CDH7: variants seen among roughly 807,000 people sequenced by gnomAD.
The protein encoded by CDH7 is cadherin 7.
A neutral mutation model predicts 71.8 loss-of-function variants in CDH7; 25 were observed. That is an observed-to-expected ratio of 0.35 (90% CI 0.25 to 0.49). CDH7 has a LOEUF of 0.49. CDH7 is among the 20% of genes least tolerant of loss of function. CDH7 has a pLI of 0.99. For synonymous variants in CDH7, 381 were observed against 363.8 expected, an observed-to-expected ratio of 1.05 and a Z score of -0.54; for missense variants, 862 against 974.6, an observed-to-expected ratio of 0.88 and a Z score of 1.54.
chr18:65,875,849 A>G (rs1914058237), intron 11 of CDH7, among the ~76,000 whole-genome samples: 1 of 152,080 alleles, frequency 6.6e-6, no homozygotes, highest in Admixed American at 6.6e-5. Flanking sequence ...ATATTGCTTG[A>G]GCTCAAGAGG....
chr18:65,831,486 T>C (rs375814719), intron 6 of CDH7, among the ~76,000 whole-genome samples: 2 of 152,210 alleles, frequency 1.3e-5, no homozygotes, highest in East Asian at 3.8e-4. Context: ...TAGAGTTTAT[T>C]TGGAGTTGTT....
At chr18:65,846,337 T>A (rs1476646330) in intron 7 of CDH7, among the ~76,000 whole-genome samples, 1 of 152,134 alleles carries the variant, frequency 6.6e-6, no homozygotes, top group Non-Finnish European at 1.5e-5. Context: ...CCCACTTTCA[T>A]TTCCTTAAAA....
At chr18:65,806,879 G>A (rs1911346070) in intron 2 of CDH7, among the ~76,000 whole-genome samples, 1 of 152,170 alleles carries the variant, frequency 6.6e-6, no homozygotes, top group Non-Finnish European at 1.5e-5. Flanking sequence ...ATGTCTGAAT[G>A]CCTCAGATAA....
intron 2 of CDH7, among the ~76,000 whole-genome samples, chr18:65,805,758 A>C (rs759457759): frequency 5.3e-5 from 8 of 152,238 alleles, no homozygotes; most frequent in Admixed American, 2.6e-4. Context: ...TGCAAATATG[A>C]GATATTATGA....
chr18:65,835,069 A>C (rs941383862), intron 6 of CDH7, among the ~76,000 whole-genome samples: 2 of 152,082 alleles, frequency 1.3e-5, no homozygotes, highest in African/African-American at 4.8e-5. Flanking sequence ...GCCTCTATGG[A>C]GGTGGCTGGC....
rs1480778331 is a variant in CDH7, at chr18:65,781,815, CTTCCTTCTTTCTTTCTTTCTTTCT to C, written c.210+18767_210+18790del. 2.1e-4 allele frequency among the ~76,000 whole-genome samples: 12 copies of C among 58,320 alleles called. 1 individual carries two copies. The highest frequency in any genetic ancestry group is 1.0e-3 in the African/African-American group (12 of 11,504). The allele number at this position is 58,320 out of a possible 152,430, so 38.3% of individuals were successfully genotyped here. A position where few individuals can be genotyped will look rare whatever the true frequency, so the allele number is the denominator to read the frequency against. On this transcript the variant is annotated intron_variant, in intron 2 of 11. Coordinates refer to ENST00000397968, the MANE Select transcript of CDH7 (RefSeq NM_004361.5). ...CCTTCCTTCCTTCCTTCCTTCCTTC[CTTCCTTCTTTCTTTCTTTCTTTCT>C]TTCTTTCTTTCTTTCTTTCTTTCTT...
rs188097456 is a variant in CDH7, at chr18:65,763,169, G to C, written c.210+117G>C. 1.3e-5 allele frequency: 7 copies of C among 531,700 alleles called. No homozygotes were observed. In the East Asian group the frequency reaches 2.3e-4, roughly 18 times the overall value. The allele number at this position is 531,700 out of a possible 1,614,324, so 32.9% of individuals were successfully genotyped here. Reference sequence around the variant, plus strand: ...TTTGCTATGGGGATGGTAAACACAAGACATCATTTCTATGAAAGAGTTTAT... The same window carrying C: ...TTTGCTATGGGGATGGTAAACACAACACATCATTTCTATGAAAGAGTTTAT... On this transcript the variant is annotated intron_variant, in intron 2 of 11. Coordinates refer to ENST00000397968, the MANE Select transcript of CDH7 (RefSeq NM_004361.5).
intron 11 of CDH7, among the ~76,000 whole-genome samples, chr18:65,877,299 G>A (rs1914100186): frequency 6.6e-6 from 1 of 152,030 alleles, no homozygotes; most frequent in Non-Finnish European, 1.5e-5. Context: ...CACAGGCACT[G>A]TAGAGTTTTA....
rs1218883083 is a variant in CDH7 at position 65,889,119 on chromosome 18, A to T, written c.*8225A>T. The T allele has an allele frequency of 6.6e-6, 1 of 152,140 alleles. No homozygotes were observed. Among genetic ancestry groups the T allele is most frequent in the Non-Finnish European group, 1.5e-5 (1 of 68,030 alleles). The allele number at this position is 152,140 out of a possible 1,614,324, so 9.4% of individuals were successfully genotyped here. A position where few individuals can be genotyped will look rare whatever the true frequency, so the allele number is the denominator to read the frequency against. On this transcript the variant is annotated 3_prime_UTR_variant, in exon 12 of 12. Transcript: ENST00000397968. ...TTCTCTATTACGTCTCTGAGGTGGG[A>T]CATTGTTGTGAGAATGGACGAGAGC...
chr18:65,771,050 A>G (rs184229468), intron 2 of CDH7, among the ~76,000 whole-genome samples: 1 of 152,266 alleles, frequency 6.6e-6, no homozygotes, highest in East Asian at 1.9e-4. Flanking sequence ...ATGGCAGAAG[A>G]GAAAAATTTC....
At chr18:65,777,075 A>G (rs1360419004) in intron 2 of CDH7, among the ~76,000 whole-genome samples, 1 of 152,148 alleles carries the variant, frequency 6.6e-6, no homozygotes, top group Non-Finnish European at 1.5e-5. Context: ...TTGCTAACAA[A>G]TCAGTTTGGG....
chr18:65,829,036 A>C (rs867295075), intron 6 of CDH7, among the ~76,000 whole-genome samples: 1 of 152,190 alleles, frequency 6.6e-6, no homozygotes, highest in Non-Finnish European at 1.5e-5. Context: ...TACCATTCTG[A>C]GACAGAACCA....
rs763492791 is a variant in CDH7 at position 65,824,750 on chromosome 18, G to C, written c.900G>C (p.Lys300Asn). The change falls in exon 6 of 12, where the codon AAG (lysine) becomes AAC (asparagine). Residue 300 changes from lysine (K) to asparagine (N), a missense_variant. By Grantham distance (94) the Lys-to-Asn change is moderately conservative (BLOSUM62 0). Transcript: ENST00000397968. ...DIGANAEMEY[K>N]IVDGDGLGIF... ...GAGCTAATGCTGAAATGGAGTACAA[G>C]ATTGTGGATGGTGATGGTTTGGGCA... 1.9e-6 allele frequency: 3 copies of C among 1,612,696 alleles called. No individual in the cohort carries two copies. The Admixed American group carries it at 5.0e-5, about 27-fold the overall frequency.
At chr18:65,830,987 A>G (rs998003562) in intron 6 of CDH7, among the ~76,000 whole-genome samples, 53 of 152,048 alleles carry the variant, frequency 3.5e-4, no homozygotes, top group African/African-American at 1.2e-3. Context: ...TGCTGTTTAA[A>G]ACTCAAAACT....
intron 11 of CDH7, among the ~76,000 whole-genome samples, chr18:65,874,252 T>A: frequency 6.6e-6 from 1 of 152,188 alleles, no homozygotes; most frequent in East Asian, 1.9e-4. Context: ...CATAAATTTA[T>A]CCAATTTGGT....
rs200876573 is a variant in CDH7, at chr18:65,848,472, T to G, written c.1235+4407T>G. ...AAATTGTAAGATAAATAATCAGCACTCCAAGTTCACTGGCTGTGAGATTTC... is the reference window on the plus strand; with the variant it reads ...AAATTGTAAGATAAATAATCAGCACGCCAAGTTCACTGGCTGTGAGATTTC... On this transcript the variant is annotated intron_variant, in intron 7 of 11. Transcript: ENST00000397968. Among the ~76,000 whole-genome samples the G allele has an allele frequency of 2.8e-4, 42 of 152,300 alleles. No individual in the cohort carries two copies. The East Asian group carries it at 7.3e-3, about 27-fold the overall frequency.
In CDH7 at chr18:65,887,192, T is replaced by C. The variant is rs532500222; in HGVS notation, c.*6298T>C. The C allele has an allele frequency of 1.3e-5, 2 of 152,276 alleles. No individual in the cohort carries two copies. The highest frequency in any genetic ancestry group is 4.8e-5 in the African/African-American group (2 of 41,568). The allele number at this position is 152,276 out of a possible 1,614,324, so 9.4% of individuals were successfully genotyped here. ...GTTCTAATTTTGTGAGTATAAACCC[T>C]ATGTTTTTGTATATCAAGATCTGGA... On this transcript the variant is annotated 3_prime_UTR_variant, in exon 12 of 12. Coordinates refer to ENST00000397968, the MANE Select transcript of CDH7 (RefSeq NM_004361.5).
intron 2 of CDH7, among the ~76,000 whole-genome samples, chr18:65,801,692 A>G (rs529005724): frequency 3.7e-4 from 56 of 152,244 alleles, no homozygotes; most frequent in African/African-American, 1.3e-3. Context: ...GTTTGTCCAT[A>G]TCTTTGTCTA....
chr18:65,802,674 A>G lies in CDH7; in HGVS notation c.211-7030A>G, dbSNP rs188591584. On this transcript the variant is annotated intron_variant, in intron 2 of 11. Transcript: ENST00000397968. ...GAGAACATGAAGCATTCACAATTAC[A>G]CTAAGCGAGGATGAAGCCTCAGCTT... is the stretch of plus-strand genomic sequence containing the variant. 1.4e-3 allele frequency among the ~76,000 whole-genome samples: 214 copies of G among 152,260 alleles called. 2 individuals carry two copies. The highest frequency in any genetic ancestry group is 5.0e-3 in the African/African-American group (208 of 41,562).
Sources: allele counts gnomAD v4.1 joint callset (sites outside exome capture counted in the v4.1 genomes callset), GRCh38; gene constraint gnomAD v4.1.1; transcripts MANE v1.5; gene names NCBI Gene and HGNC (gene_info 2026-07-23, HGNC 2026-07-21).